TMEM117: variants seen among roughly 807,000 people sequenced by gnomAD.
TMEM117 encodes the protein transmembrane protein 117.
In TMEM117, 27 loss-of-function variants were observed where a neutral mutation model predicts 52.4. The observed-to-expected ratio is 0.51, with a 90% CI of 0.38 to 0.71. TMEM117 has a LOEUF of 0.71. TMEM117 is among the 30% of genes least tolerant of loss of function. TMEM117 has a pLI of 0.00. For synonymous variants in TMEM117, 215 were observed against 206.3 expected (o/e 1.04, Z -0.36); for missense variants, 556 against 630.5 (o/e 0.88, Z 1.26).
At chr12:43,961,453 T>G (rs1395635949) in intron 3 of TMEM117, among the ~76,000 whole-genome samples, 1 of 152,190 alleles carries the variant, frequency 6.6e-6, no homozygotes, top group African/African-American at 2.4e-5. Context: ...GTACTTAATG[T>G]GTAATCTTAA....
chr12:43,976,830 C>T (rs943813563), intron 3 of TMEM117, among the ~76,000 whole-genome samples: 9 of 152,152 alleles, frequency 5.9e-5, no homozygotes, highest in African/African-American at 9.7e-5. Flanking sequence ...TCAGGTGCCA[C>T]GGTTATAACT....
rs921753431 is a variant in TMEM117, at chr12:43,906,418, G to A, written c.278-37792G>A. Among the ~76,000 whole-genome samples, 3 of 150,176 alleles carry A rather than the reference G, an allele frequency of 2.0e-5. No homozygotes were observed. The South Asian group carries it at 6.3e-4, about 32-fold the overall frequency. On this transcript the variant is annotated intron_variant, in intron 2 of 7. Coordinates refer to ENST00000266534, the MANE Select transcript of TMEM117 (RefSeq NM_032256.3). ...ACAGAGGTTGCAGTGAGCTGAGATT[G>A]CACTACTGCTCTTCAGCCTGGGTGA...
chr12:44,041,377 A>C (rs556378182), intron 3 of TMEM117, among the ~76,000 whole-genome samples: 19 of 152,102 alleles, frequency 1.2e-4, no homozygotes, highest in African/African-American at 4.6e-4. Context: ...AGCAATTTTC[A>C]TCAAATTTCA....
At position 44,143,467 on chromosome 12, in the gene TMEM117, A is replaced by T. The variant is rs1948597647; in HGVS notation, c.411-58A>T. Reference sequence around the variant, plus strand: ...CCCTTTGCCTGTTGCTGAACCAGAAAGCCTTAACTGTATGACTCTCTGAGT... The same window carrying T: ...CCCTTTGCCTGTTGCTGAACCAGAATGCCTTAACTGTATGACTCTCTGAGT... On this transcript the variant is annotated intron_variant, in intron 3 of 7. Transcript: ENST00000266534. 104 of 1,325,072 alleles carry T rather than the reference A, an allele frequency of 7.8e-5. 2 individuals carry two copies. The South Asian group carries it at 1.4e-3, about 18-fold the overall frequency. 82.1% of individuals were successfully genotyped at this position (1,325,072 alleles called of 1,614,324 possible).
At chr12:44,234,089 T>A (rs1434725725) in intron 5 of TMEM117, among the ~76,000 whole-genome samples, 5 of 145,550 alleles carry the variant, frequency 3.4e-5, no homozygotes, top group African/African-American at 1.3e-4. Context: ...TATCCTTGTG[T>A]CTCTATCCCG....
intron 5 of TMEM117, among the ~76,000 whole-genome samples, chr12:44,252,955 AG>A (rs1171781612): frequency 6.6e-6 from 1 of 152,218 alleles, no homozygotes; most frequent in Admixed American, 6.5e-5. Flanking sequence ...AAAGAAAAGA[AG>A]AAGAGGTCGG....
At chr12:43,892,874 A>G (rs557625637) in intron 2 of TMEM117, among the ~76,000 whole-genome samples, 1 of 152,226 alleles carries the variant, frequency 6.6e-6, no homozygotes, top group Non-Finnish European at 1.5e-5. Context: ...AGAACAAGGG[A>G]TGGGGTAGGC....
At chr12:44,299,348 G>A (rs948702826) in intron 5 of TMEM117, among the ~76,000 whole-genome samples, 1 of 152,106 alleles carries the variant, frequency 6.6e-6, no homozygotes, top group Admixed American at 6.5e-5. Context: ...GGACAGGCTT[G>A]TCTCGAACTC....
At chr12:44,317,799 G>T (rs138893719) in intron 6 of TMEM117, among the ~76,000 whole-genome samples, 173 of 152,304 alleles carry the variant, frequency 1.1e-3, no homozygotes, top group African/African-American at 3.9e-3. Context: ...CTTGTTTACT[G>T]GGAGGTCTCT....
At chr12:43,850,737 A>G (rs1329559376) in intron 2 of TMEM117, among the ~76,000 whole-genome samples, 1 of 152,160 alleles carries the variant, frequency 6.6e-6, no homozygotes, top group African/African-American at 2.4e-5. Context: ...GCAAACATTA[A>G]TGTTCTTATT....
At chr12:43,795,808 A>G in the TMEM117 span, 1 of 1,587,328 alleles carries the variant, frequency 6.3e-7, no homozygotes. Flanking sequence ...ACAAGCAACA[A>G]GCTGGTTTTC....
At chr12:44,135,780 T>C (rs901552185) in intron 3 of TMEM117, among the ~76,000 whole-genome samples, 4 of 152,206 alleles carry the variant, frequency 2.6e-5, no homozygotes, top group Non-Finnish European at 5.9e-5. Flanking sequence ...GTGGACAAAT[T>C]ATAGTTCCTG....
the TMEM117 span, among the ~76,000 whole-genome samples, chr12:43,827,734 GC>G: frequency 6.6e-6 from 1 of 152,184 alleles, no homozygotes; most frequent in African/African-American, 2.4e-5. Context: ...ATAGTGTCCT[GC>G]CCCCCACCCA....
chr12:43,982,701 C>G (rs1001912539), intron 3 of TMEM117, among the ~76,000 whole-genome samples: 43 of 152,174 alleles, frequency 2.8e-4, no homozygotes, highest in African/African-American at 1.0e-3. Flanking sequence ...ACAAATTCCT[C>G]AGTCACAATC....
intron 2 of TMEM117, among the ~76,000 whole-genome samples, chr12:43,883,761 CA>C (rs10718021): frequency 0.41 from 58,146 of 140,466 alleles, 12,583 homozygotes; most frequent in East Asian, 0.89. Flanking sequence ...GTATGAAAGA[CA>C]AAAAAAAAAA....
At chr12:43,817,496 A>G in the TMEM117 span, among the ~76,000 whole-genome samples, 1 of 152,236 alleles carries the variant, frequency 6.6e-6, no homozygotes, top group Non-Finnish European at 1.5e-5. Context: ...GGATTTTTAT[A>G]TATTTAGGCA....
At chr12:44,007,428 CT>C (rs1364611518) in intron 3 of TMEM117, among the ~76,000 whole-genome samples, 1 of 151,728 alleles carries the variant, frequency 6.6e-6, no homozygotes, top group African/African-American at 2.4e-5. Flanking sequence ...CTAAGAAAGT[CT>C]TTATTTCTCT....
At chr12:44,186,989 G>A (rs1231404149) in intron 4 of TMEM117, among the ~76,000 whole-genome samples, 1 of 152,124 alleles carries the variant, frequency 6.6e-6, no homozygotes, top group African/African-American at 2.4e-5. Context: ...CATTTCAACA[G>A]TGGGAGAACC....
At chr12:44,272,345 A>G (rs1950456688) in intron 5 of TMEM117, among the ~76,000 whole-genome samples, 2 of 152,124 alleles carry the variant, frequency 1.3e-5, no homozygotes, top group Admixed American at 1.3e-4. Flanking sequence ...ACCAAAAGCA[A>G]TGGCAACAAA....
Sources: allele counts gnomAD v4.1 joint callset (sites outside exome capture counted in the v4.1 genomes callset), GRCh38; gene constraint gnomAD v4.1.1; transcripts MANE v1.5; gene names NCBI Gene and HGNC (gene_info 2026-07-23, HGNC 2026-07-21).